EPHA6: variants seen among roughly 807,000 people sequenced by gnomAD.
EPHA6 encodes ephrin type-A receptor 6.
Under a neutral mutation model 112.0 loss-of-function variants are expected in EPHA6, and 50 were observed. That is an observed-to-expected ratio of 0.45 (90% CI 0.36 to 0.56). The LOEUF is 0.56. Among genes scored for constraint, EPHA6 ranks in the 20% least tolerant of loss-of-function variants. The pLI is 0.00. For missense variants in EPHA6, 1,280 were observed against 1,417.4 expected (o/e 0.90, Z 1.56); for synonymous variants, 529 against 490.7 (o/e 1.08, Z -1.03).
At chr3:97,690,078 T>G (rs950954620) in intron 14 of EPHA6, among the ~76,000 whole-genome samples, 1 of 152,252 alleles carries the variant, frequency 6.6e-6, no homozygotes, top group Admixed American at 6.5e-5. Flanking sequence ...TTATGGATAA[T>G]TTTGCTATTG....
At chr3:96,884,427 C>G (rs527840226) in intron 2 of EPHA6, among the ~76,000 whole-genome samples, 1 of 152,158 alleles carries the variant, frequency 6.6e-6, no homozygotes, top group South Asian at 2.1e-4. Flanking sequence ...TTGCAGAAGT[C>G]TTTTGACTCC....
rs1365509060 is a variant in EPHA6 at position 97,753,640 on chromosome 3, C to T, written c.*4939C>T. 6.6e-6 allele frequency among the ~76,000 whole-genome samples: 1 copy of T among 152,150 alleles called. No homozygotes were observed. Among genetic ancestry groups the T allele is most frequent in the Non-Finnish European group, 1.5e-5 (1 of 68,018 alleles). On this transcript the variant is annotated 3_prime_UTR_variant, in exon 18 of 18. Transcript: ENST00000389672. ...CATTAGCTTTTTTTCAAGAGCAATT[C>T]TGGAGTAATCTCTTGTTCAAGCTTA... is the stretch of plus-strand genomic sequence containing the variant.
At chr3:97,352,696 T>C (rs2083875844) in intron 5 of EPHA6, among the ~76,000 whole-genome samples, 1 of 152,128 alleles carries the variant, frequency 6.6e-6, no homozygotes, top group Non-Finnish European at 1.5e-5. Flanking sequence ...GATTCCCATA[T>C]AAACTTGAAA....
At chr3:97,555,780 T>G (rs2093099006) in intron 11 of EPHA6, among the ~76,000 whole-genome samples, 1 of 152,136 alleles carries the variant, frequency 6.6e-6, no homozygotes, top group African/African-American at 2.4e-5. Flanking sequence ...GGTTGTTTGT[T>G]TTTTTCTTGT....
chr3:96,995,424 A>T (rs1315523392), intron 3 of EPHA6, among the ~76,000 whole-genome samples: 1 of 152,160 alleles, frequency 6.6e-6, no homozygotes, highest in African/African-American at 2.4e-5. Context: ...ATAACCTTCA[A>T]TTCCAAACAA....
At chr3:97,128,576 TA>T (rs2048246482) in intron 3 of EPHA6, among the ~76,000 whole-genome samples, 1 of 152,256 alleles carries the variant, frequency 6.6e-6, no homozygotes, top group African/African-American at 2.4e-5. Context: ...AGGAGTGCAG[TA>T]GCATGATCTC....
intron 1 of EPHA6, among the ~76,000 whole-genome samples, chr3:96,854,823 A>G (rs1027007698): frequency 2.0e-5 from 3 of 152,308 alleles, no homozygotes; most frequent in Admixed American, 1.3e-4. Flanking sequence ...GGTAGGGGTT[A>G]GAAAGTCATA....
At chr3:96,977,244 C>T (rs2107802887) in intron 2 of EPHA6, among the ~76,000 whole-genome samples, 1 of 152,014 alleles carries the variant, frequency 6.6e-6, no homozygotes, top group African/African-American at 2.4e-5. Flanking sequence ...AGGCTATTAT[C>T]TTAAATGAAA....
At chr3:97,484,507 A>G (rs1457494031) in intron 10 of EPHA6, among the ~76,000 whole-genome samples, 4 of 152,186 alleles carry the variant, frequency 2.6e-5, no homozygotes, top group African/African-American at 7.2e-5. Context: ...GCAAATTAAT[A>G]TTTCTCCCTA....
chr3:97,721,616 C>T (rs1369086989), intron 15 of EPHA6, among the ~76,000 whole-genome samples: 1 of 152,200 alleles, frequency 6.6e-6, no homozygotes, highest in East Asian at 1.9e-4. Flanking sequence ...TGTGGCTGGG[C>T]CCTACAGAGC....
chr3:97,097,111 A>C (rs1208303872), intron 3 of EPHA6, among the ~76,000 whole-genome samples: 1 of 151,834 alleles, frequency 6.6e-6, no homozygotes, highest in Non-Finnish European at 1.5e-5. Context: ...ATGTAGTTTA[A>C]GCTGAAAGAA....
At chr3:97,014,709 A>G (rs1040496335) in intron 3 of EPHA6, among the ~76,000 whole-genome samples, 2 of 152,222 alleles carry the variant, frequency 1.3e-5, no homozygotes. Flanking sequence ...AGAGTCCAGC[A>G]TTGCACGTGG....
At chr3:97,017,068 C>T (rs2044290063) in intron 3 of EPHA6, among the ~76,000 whole-genome samples, 1 of 152,156 alleles carries the variant, frequency 6.6e-6, no homozygotes, top group African/African-American at 2.4e-5. Flanking sequence ...ATAGAAGCCT[C>T]CAATCATCCC....
chr3:97,215,500 A>G (rs931129366), intron 3 of EPHA6, among the ~76,000 whole-genome samples: 2 of 152,026 alleles, frequency 1.3e-5, no homozygotes, highest in African/African-American at 4.8e-5. Flanking sequence ...AATTCCAGCT[A>G]CTCAGGAGGC....
intron 1 of EPHA6, among the ~76,000 whole-genome samples, chr3:96,817,291 T>A (rs2032875848): frequency 6.6e-6 from 1 of 151,962 alleles, no homozygotes; most frequent in Non-Finnish European, 1.5e-5. Flanking sequence ...AATATTGAAA[T>A]CATCACACTA....
chr3:97,467,371 T>G (rs2091090104), intron 7 of EPHA6, among the ~76,000 whole-genome samples: 1 of 151,828 alleles, frequency 6.6e-6, no homozygotes, highest in Admixed American at 6.6e-5. Flanking sequence ...CTTATGAAAT[T>G]TGTGATCCCT....
intron 3 of EPHA6, among the ~76,000 whole-genome samples, chr3:97,129,608 T>G (rs2048283624): frequency 6.6e-6 from 1 of 152,180 alleles, no homozygotes; most frequent in Non-Finnish European, 1.5e-5. Context: ...TGACACTTCT[T>G]AAAACAGTAA....
chr3:96,947,870 A>C (rs1316006051), intron 2 of EPHA6, among the ~76,000 whole-genome samples: 2 of 152,136 alleles, frequency 1.3e-5, no homozygotes, highest in Non-Finnish European at 2.9e-5. Context: ...GCTACCAATG[A>C]CTTTCTTCAC....
chr3:97,594,559 T>G (rs2093571208), intron 12 of EPHA6, among the ~76,000 whole-genome samples: 1 of 152,232 alleles, frequency 6.6e-6, no homozygotes, highest in African/African-American at 2.4e-5. Flanking sequence ...TCTCTGTACA[T>G]TTTGTGTGAT....
Sources: gnomAD v4.1 joint callset for allele counts (sites outside exome capture counted in the v4.1 genomes callset) on GRCh38, gnomAD v4.1.1 for gene constraint, MANE v1.5 for transcripts, NCBI Gene and HGNC (gene_info 2026-07-23, HGNC 2026-07-21) for gene names.